PCDH15: variants seen among roughly 807,000 people sequenced by gnomAD.
PCDH15 encodes protocadherin related 15.
Under a neutral mutation model 178.5 loss-of-function variants are expected in PCDH15, and 129 were observed. The observed-to-expected ratio is 0.72, with a 90% CI of 0.63 to 0.84. The LOEUF (loss-of-function observed/expected upper bound fraction) is 0.84. PCDH15 is among the 40% of genes least tolerant of loss of function. PCDH15 has a pLI of 0.00. For synonymous variants in PCDH15, 800 were observed against 732.0 expected, an observed-to-expected ratio of 1.09 and a Z score of -1.50; for missense variants, 2,230 against 2,099.9, an observed-to-expected ratio of 1.06 and a Z score of -1.21.
At chr10:55,319,310 A>G (rs1484738938) in intron 1 of PCDH15, among the ~76,000 whole-genome samples, 3 of 152,236 alleles carry the variant, frequency 2.0e-5, no homozygotes, top group African/African-American at 7.2e-5. Context: ...TTCATATTTA[A>G]ATGCAAGTAT....
At chr10:54,416,289 C>CA (rs1362766843) in intron 3 of PCDH15, among the ~76,000 whole-genome samples, 4 of 152,032 alleles carry the variant, frequency 2.6e-5, no homozygotes, top group African/African-American at 9.7e-5. Context: ...CCCCACCCCC[C>CA]AAAAGGCCCT....
At chr10:55,406,563 G>A (rs1046130554) in intron 2 of PCDH15, among the ~76,000 whole-genome samples, 2 of 152,144 alleles carry the variant, frequency 1.3e-5, no homozygotes, top group African/African-American at 4.8e-5. Flanking sequence ...AGATGAGGTG[G>A]AGACAATAGC....
chr10:54,644,116 A>G (rs1209424280), intron 2 of PCDH15, among the ~76,000 whole-genome samples: 10 of 149,506 alleles, frequency 6.7e-5, no homozygotes, highest in Non-Finnish European at 1.5e-5. Flanking sequence ...ATGATTTCCA[A>G]TTTCATCCAT....
chr10:54,602,006 G>A (rs1227978877), intron 2 of PCDH15, among the ~76,000 whole-genome samples: 1 of 151,676 alleles, frequency 6.6e-6, no homozygotes, highest in Non-Finnish European at 1.5e-5. Flanking sequence ...AAGAGGGAGA[G>A]GATCTGAAAA....
chr10:54,341,797 G>T (rs957733562), intron 6 of PCDH15, among the ~76,000 whole-genome samples: 4 of 152,144 alleles, frequency 2.6e-5, no homozygotes, highest in Admixed American at 2.6e-4. Flanking sequence ...AACTTATTGG[G>T]AACTGGAGCA....
chr10:54,347,108 A>G (rs1175213950), intron 5 of PCDH15, among the ~76,000 whole-genome samples: 15 of 152,096 alleles, frequency 9.9e-5, no homozygotes, highest in Admixed American at 9.8e-4. Flanking sequence ...GGCATACAAA[A>G]CCATGATTTG....
At chr10:55,594,481 T>G (rs532176067) in intron 2 of PCDH15, among the ~76,000 whole-genome samples, 2 of 152,020 alleles carry the variant, frequency 1.3e-5, no homozygotes, top group Non-Finnish European at 2.9e-5. Flanking sequence ...GAAGTTTAAG[T>G]TGGTTAATTG....
At chr10:55,351,555 T>C (rs919349560) in intron 2 of PCDH15, among the ~76,000 whole-genome samples, 2 of 152,164 alleles carry the variant, frequency 1.3e-5, no homozygotes, top group Non-Finnish European at 2.9e-5. Context: ...AAATTAAGTC[T>C]TTATAATCCC....
At chr10:53,846,974 GA>G (rs1382721036) in intron 28 of PCDH15, among the ~76,000 whole-genome samples, 1 of 152,030 alleles carries the variant, frequency 6.6e-6, no homozygotes, top group Non-Finnish European at 1.5e-5. Flanking sequence ...TGCCTCCTAA[GA>G]GGCAGTGTAA....
chr10:54,177,285 G>A (rs1309968083), intron 13 of PCDH15, among the ~76,000 whole-genome samples: 2 of 152,108 alleles, frequency 1.3e-5, no homozygotes, highest in African/African-American at 4.8e-5. Flanking sequence ...CAAGCAAGGG[G>A]GAGGGAAGCA....
chr10:54,937,771 T>C (rs1837943872), intron 2 of PCDH15, among the ~76,000 whole-genome samples: 1 of 152,038 alleles, frequency 6.6e-6, no homozygotes, highest in Admixed American at 6.6e-5. Flanking sequence ...CTTAGAATTT[T>C]CCATCTGCAA....
intron 3 of PCDH15, among the ~76,000 whole-genome samples, chr10:54,855,028 A>G (rs1292033335): frequency 6.6e-6 from 1 of 152,196 alleles, no homozygotes; most frequent in Non-Finnish European, 1.5e-5. Flanking sequence ...CACTGGCCAA[A>G]GTTTGGAAGG....
intron 2 of PCDH15, among the ~76,000 whole-genome samples, chr10:55,556,806 A>G (rs995085847): frequency 3.3e-5 from 5 of 152,160 alleles, no homozygotes; most frequent in African/African-American, 9.6e-5. Flanking sequence ...GCACCACTGT[A>G]CTCTATCGTG....
At chr10:55,600,035 C>A in intron 2 of PCDH15, 2 of 1,147,244 alleles carry the variant, frequency 1.7e-6, no homozygotes, top group Non-Finnish European at 2.3e-6. Flanking sequence ...TCAAACAAGC[C>A]AACAGGCCCC....
chr10:54,454,427 A>G (rs2076683094), intron 3 of PCDH15, among the ~76,000 whole-genome samples: 1 of 105,004 alleles, frequency 9.5e-6, no homozygotes, highest in African/African-American at 3.6e-5. Flanking sequence ...AATATTAAAC[A>G]TTATTAATAT....
At chr10:54,796,613 A>G (rs953527450) in intron 1 of PCDH15, among the ~76,000 whole-genome samples, 3 of 151,286 alleles carry the variant, frequency 2.0e-5, no homozygotes, top group African/African-American at 7.3e-5. Context: ...CTAAGTGTAT[A>G]TCTCAGTTTC....
At chr10:54,457,768 G>C (rs966131557) in intron 3 of PCDH15, among the ~76,000 whole-genome samples, 8 of 152,034 alleles carry the variant, frequency 5.3e-5, no homozygotes, top group East Asian at 3.9e-4. Flanking sequence ...ATGAAAATTA[G>C]GAACACAAAA....
At chr10:54,131,521 TTTAA>T (rs145660967) in intron 15 of PCDH15, among the ~76,000 whole-genome samples, 4,475 of 152,250 alleles carry the variant, frequency 0.029, 83 homozygotes, top group Middle Eastern at 0.082. Flanking sequence ...TTCCCTTTCT[TTTAA>T]TTATTTCATG....
chr10:54,623,014 T>C (rs550311395), intron 2 of PCDH15, among the ~76,000 whole-genome samples: 28 of 151,778 alleles, frequency 1.8e-4, no homozygotes, highest in Non-Finnish European at 3.5e-4. Flanking sequence ...TTTGATTGAA[T>C]GCCTATGTGA....
Sources: gnomAD v4.1 joint callset for allele counts (sites outside exome capture counted in the v4.1 genomes callset) on GRCh38, gnomAD v4.1.1 for gene constraint, MANE v1.5 for transcripts, NCBI Gene and HGNC (gene_info 2026-07-23, HGNC 2026-07-21) for gene names.